Variants in ZNF718 observed in about 807,000 individuals in gnomAD.
ZNF718 encodes zinc finger protein 718.
Under a neutral mutation model 2.6 loss-of-function variants are expected in ZNF718, and 3 were observed. The observed-to-expected ratio is 1.16, with a 90% CI of 0.53 to 3.01. The LOEUF is 3.01. Ranked by LOEUF, ZNF718 falls within the 30% of genes most tolerant of loss-of-function variation. The pLI is 0.03. For missense variants in ZNF718, 468 were observed against 230.0 expected (o/e 2.03, Z -6.69); for synonymous variants, 135 against 77.9 (o/e 1.73, Z -3.86).
chr4:200,240 T>A (rs1340570075), intron 3 of ZNF718, among the ~76,000 whole-genome samples: 1 of 147,978 alleles, frequency 6.8e-6, no homozygotes, highest in Admixed American at 6.7e-5. Context: ...AAGGAGGAGG[T>A]TTTTTTTTTT....
intron 3 of ZNF718, among the ~76,000 whole-genome samples, chr4:157,409 C>T (rs1217236347): frequency 6.6e-6 from 1 of 152,050 alleles, no homozygotes; most frequent in Admixed American, 6.6e-5. Context: ...GCCACCGCAC[C>T]CGGCCTTGTT....
chr4:126,248 A>G (rs138101020), intron 1 of ZNF718, among the ~76,000 whole-genome samples: 2 of 152,268 alleles, frequency 1.3e-5, no homozygotes, highest in African/African-American at 4.8e-5. Context: ...AGGAGCAAAT[A>G]CAAATTAGAA....
At chr4:199,763 G>T (rs548052944) in intron 3 of ZNF718, among the ~76,000 whole-genome samples, 3 of 152,138 alleles carry the variant, frequency 2.0e-5, no homozygotes, top group African/African-American at 7.2e-5. Flanking sequence ...TCTCTTCTTG[G>T]TCATCACCTC....
intron 3 of ZNF718, among the ~76,000 whole-genome samples, chr4:172,595 C>T (rs1293243406): frequency 6.6e-6 from 1 of 152,040 alleles, no homozygotes; most frequent in East Asian, 1.9e-4. Context: ...ATTGCAAAAC[C>T]AGTATTAAAA....
chr4:175,589 A>G (rs1303332777), intron 3 of ZNF718, among the ~76,000 whole-genome samples: 2 of 152,206 alleles, frequency 1.3e-5, no homozygotes, highest in Non-Finnish European at 2.9e-5. Context: ...AGGAGTTCCA[A>G]TAAGAGCTTG....
intron 3 of ZNF718, among the ~76,000 whole-genome samples, chr4:133,676 AAG>A (rs1315543074): frequency 6.6e-6 from 1 of 152,234 alleles, no homozygotes; most frequent in Non-Finnish European, 1.5e-5. Context: ...AATTTAATAC[AAG>A]AGTTATGTTT....
chr4:137,688 TACTC>T (rs1472199888), intron 3 of ZNF718, among the ~76,000 whole-genome samples: 1 of 152,244 alleles, frequency 6.6e-6, no homozygotes, highest in African/African-American at 2.4e-5. Context: ...TCATATTACT[TACTC>T]TTTGTTGACT....
At chr4:166,420 G>A (rs1560126144), downstream of ZNF718, among the ~76,000 whole-genome samples, 3 of 152,148 alleles carry the variant, frequency 2.0e-5, no homozygotes, top group South Asian at 4.1e-4. Context: ...CTGAGGAATC[G>A]CCACATTGAC....
chr4:124,690 G>C lies in ZNF718; in HGVS notation c.3+17G>C. Reference sequence around the variant, plus strand: ...CGGGAAATGGTGAGTGTGCAGGGCAGGGCGTCCCAAGGCTGTGGAGGCCTC... The same window carrying C: ...CGGGAAATGGTGAGTGTGCAGGGCACGGCGTCCCAAGGCTGTGGAGGCCTC... On this transcript the variant is annotated intron_variant, in intron 1 of 3. Transcript: ENST00000510175. 6.2e-7 allele frequency: 1 copy of C among 1,609,362 alleles called. No individual in the cohort carries two copies.
At chr4:184,063 A>G (rs1258180785) in intron 3 of ZNF718, among the ~76,000 whole-genome samples, 1 of 152,096 alleles carries the variant, frequency 6.6e-6, no homozygotes, top group African/African-American at 2.4e-5. Flanking sequence ...AAGTGGTGAG[A>G]GTGGGCATCC....
At chr4:176,367 T>A (rs1271419636) in intron 3 of ZNF718, among the ~76,000 whole-genome samples, 1 of 152,122 alleles carries the variant, frequency 6.6e-6, no homozygotes, top group Non-Finnish European at 1.5e-5. Flanking sequence ...CTTTGAAGAT[T>A]TTCTTAAGCC....
chr4:168,801 C>T (rs1717155577), downstream of ZNF718, among the ~76,000 whole-genome samples: 1 of 152,196 alleles, frequency 6.6e-6, no homozygotes. Flanking sequence ...TTCAAAAAAC[C>T]AGCTCCTGGA....
At position 183,122 on chromosome 4, in the gene ZNF718, T is replaced by C. The variant is rs1717500726; in HGVS notation, c.227-17959T>C. 4.6e-5 allele frequency among the ~76,000 whole-genome samples: 7 copies of C among 152,210 alleles called. 1 individual carries two copies. The highest frequency in any genetic ancestry group is 4.6e-4 in the Admixed American group (7 of 15,278). On this transcript the variant is annotated intron_variant and NMD_transcript_variant, in intron 3 of 4. Coordinates refer to the ZNF718 transcript ENST00000642529. ...TGCCTTGGTTTTCTTCTAGGGTTTT[T>C]ATAGTTTTTGGTTTTACATTTAAGT...
intron 3 of ZNF718, among the ~76,000 whole-genome samples, chr4:199,000 A>T (rs1553822410): frequency 6.6e-6 from 1 of 152,248 alleles, no homozygotes; most frequent in Admixed American, 6.5e-5. Flanking sequence ...GAAATAGCAG[A>T]GCAGCTGGGA....
In ZNF718 at chr4:130,219, A is replaced by G. The variant is rs1235142713; in HGVS notation, c.4-569A>G. On this transcript the variant is annotated intron_variant, in intron 1 of 3. Transcript: ENST00000510175. ...GTCAGCAATAAGAAGACTTGCAATA[A>G]CAGGAGACTTGCAATAAGAAGCTAA... Among the ~76,000 whole-genome samples, 2 of 103,826 alleles carry G rather than the reference A, an allele frequency of 1.9e-5. 1 individual carries two copies. The highest frequency in any genetic ancestry group is 4.3e-5 in the Non-Finnish European group (2 of 46,662). 68.1% of individuals were successfully genotyped at this position (103,826 alleles called of 152,430 possible). A position where few individuals can be genotyped will look rare whatever the true frequency, so the allele number is the denominator to read the frequency against.
At chr4:133,951 A>C (rs904454043) in intron 3 of ZNF718, among the ~76,000 whole-genome samples, 1 of 152,174 alleles carries the variant, frequency 6.6e-6, no homozygotes, top group African/African-American at 2.4e-5. Context: ...TGTTGTAGCA[A>C]ATTGTAAGCA....
chr4:157,103 C>CTTTTTTTTTTTTTTTTTTTTTT (rs199814257), intron 3 of ZNF718, among the ~76,000 whole-genome samples: 5 of 103,150 alleles, frequency 4.8e-5, no homozygotes, highest in South Asian at 3.0e-4. Context: ...TTCTTTCTTT[C>CTTTTTTTTTTTTTTTTTTTTTT]TTTTTTTTTT....
At chr4:126,203 G>A (rs1409903600) in intron 1 of ZNF718, among the ~76,000 whole-genome samples, 2 of 152,172 alleles carry the variant, frequency 1.3e-5, no homozygotes, top group East Asian at 3.9e-4. Flanking sequence ...CAGACGTTAG[G>A]GAATTCAAGA....
At chr4:200,215 A>G (rs1470643924) in intron 3 of ZNF718, among the ~76,000 whole-genome samples, 1 of 152,210 alleles carries the variant, frequency 6.6e-6, no homozygotes, top group African/African-American at 2.4e-5. Flanking sequence ...ACAATCGGAT[A>G]CAAAACTGGG....
Sources: gnomAD v4.1 joint callset for allele counts (sites outside exome capture counted in the v4.1 genomes callset) on GRCh38, gnomAD v4.1.1 for gene constraint, MANE v1.5 for transcripts, NCBI Gene and HGNC (gene_info 2026-07-23, HGNC 2026-07-21) for gene names.